Variants in GALNTL6 observed in about 807,000 individuals in gnomAD.
The protein encoded by GALNTL6 is polypeptide N-acetylgalactosaminyltransferase-like 6.
In GALNTL6, 46 loss-of-function variants were observed where a neutral mutation model predicts 73.7. That is an observed-to-expected ratio of 0.62 (90% confidence interval 0.49 to 0.80). The LOEUF is 0.80. Ranked by LOEUF, GALNTL6 falls within the 30% of genes least tolerant of loss-of-function variation. The probability of loss-of-function intolerance (pLI) is 0.00; values close to 1 mark genes in which losing one functional copy is unlikely to be tolerated. For synonymous variants in GALNTL6, 259 were observed against 263.7 expected (o/e 0.98, Z 0.17); for missense variants, 604 against 755.0 (o/e 0.80, Z 2.34).
At chr4:172,192,795 A>G (rs894858927) in intron 2 of GALNTL6, among the ~76,000 whole-genome samples, 1 of 152,198 alleles carries the variant, frequency 6.6e-6, no homozygotes, top group Non-Finnish European at 1.5e-5. Flanking sequence ...ACACTGCTTA[A>G]GATGAACAAG....
chr4:172,922,015 G>C (rs915971876), intron 8 of GALNTL6, among the ~76,000 whole-genome samples: 1 of 152,268 alleles, frequency 6.6e-6, no homozygotes, highest in Admixed American at 6.5e-5. Context: ...TGTTGTGGGA[G>C]GGACCCAGGG....
chr4:172,339,262 CACA>C (rs1226517250), intron 4 of GALNTL6, among the ~76,000 whole-genome samples: 1 of 22,954 alleles, frequency 4.4e-5, no homozygotes, highest in Non-Finnish European at 1.3e-4. Flanking sequence ...ACACACCACA[CACA>C]CACACACACA....
rs138642551 is a variant in GALNTL6 at position 172,784,380 on chromosome 4, C to G, written c.554-24981C>G. ...GATATGCGCAGAAGCAGTATTAAAA[C>G]TTTTTCTTCCAAACCACACATGCCA... On this transcript the variant is annotated intron_variant, in intron 5 of 12. Coordinates refer to ENST00000506823, the MANE Select transcript of GALNTL6 (RefSeq NM_001034845.3). Among the ~76,000 whole-genome samples, 267 of 152,202 alleles carry G rather than the reference C, an allele frequency of 1.8e-3. 2 individuals carry two copies. The highest frequency in any genetic ancestry group is 6.1e-3 in the African/African-American group (254 of 41,558).
chr4:172,425,480 A>G (rs936164505), intron 5 of GALNTL6, among the ~76,000 whole-genome samples: 2 of 152,100 alleles, frequency 1.3e-5, no homozygotes, highest in South Asian at 2.1e-4. Context: ...ATGAGTTAAT[A>G]TCTTACCAAA....
intron 2 of GALNTL6, among the ~76,000 whole-genome samples, chr4:172,175,885 T>C (rs1369867821): frequency 6.6e-6 from 1 of 152,174 alleles, no homozygotes; most frequent in African/African-American, 2.4e-5. Flanking sequence ...ACATACACTT[T>C]AGGATTAAAA....
chr4:172,861,079 C>G (rs1210797450), intron 7 of GALNTL6, among the ~76,000 whole-genome samples: 2 of 152,084 alleles, frequency 1.3e-5, no homozygotes, highest in Non-Finnish European at 2.9e-5. Flanking sequence ...ATGCTATTTT[C>G]TTTTGTCTTG....
rs1156966758 is a variant in GALNTL6, at chr4:172,788,609, T to C, written c.554-20752T>C. On this transcript the variant is annotated intron_variant, in intron 5 of 12. Coordinates refer to ENST00000506823, the MANE Select transcript of GALNTL6 (RefSeq NM_001034845.3). Reference sequence around the variant, plus strand: ...ATGCCGTGAAACCGGGAGGCGGAGCTTGCAGTGGGCCGATATCGCACCACT... The same window carrying C: ...ATGCCGTGAAACCGGGAGGCGGAGCCTGCAGTGGGCCGATATCGCACCACT... Among the ~76,000 whole-genome samples the C allele has an allele frequency of 2.0e-5, 3 of 149,908 alleles. No homozygotes were observed. In the Admixed American group the frequency reaches 2.0e-4, roughly 10 times the overall value.
rs142183764 is a variant in GALNTL6 at position 172,162,045 on chromosome 4, G to A, written c.139-67611G>A. On this transcript the variant is annotated intron_variant, in intron 2 of 12. Coordinates refer to ENST00000506823, the MANE Select transcript of GALNTL6 (RefSeq NM_001034845.3). ...TAGGGATAAGAGCATCAACGAAGTC[G>A]TACAATGTAACAAGAAGATATACCA... Among the ~76,000 whole-genome samples the A allele has an allele frequency of 4.1e-3, 629 of 152,078 alleles. 8 individuals carry two copies. The highest frequency in any genetic ancestry group is 0.03 in the Admixed American group (462 of 15,252).
chr4:172,034,176 A>G (rs1741855487), intron 2 of GALNTL6, among the ~76,000 whole-genome samples: 1 of 152,082 alleles, frequency 6.6e-6, no homozygotes, highest in Non-Finnish European at 1.5e-5. Flanking sequence ...TTAATACGAC[A>G]CGTAAAATGC....
At chr4:172,125,519 T>C (rs1169208057) in intron 2 of GALNTL6, among the ~76,000 whole-genome samples, 3 of 152,216 alleles carry the variant, frequency 2.0e-5, no homozygotes, top group African/African-American at 4.8e-5. Context: ...GCTCAGTCTT[T>C]AGAAAGACAC....
intron 5 of GALNTL6, among the ~76,000 whole-genome samples, chr4:172,391,677 TGGTGACATTG>T (rs150880186): frequency 0.13 from 19,728 of 152,054 alleles, 1,274 homozygotes; most frequent in East Asian, 0.17. Context: ...AAGAAGCTTC[TGGTGACATTG>T]GGTGACATTG....
intron 2 of GALNTL6, among the ~76,000 whole-genome samples, chr4:172,035,611 T>C (rs563364425): frequency 1.3e-5 from 2 of 152,234 alleles, no homozygotes; most frequent in African/African-American, 2.4e-5. Context: ...AGTAATACAG[T>C]TGATTGAAAA....
At chr4:172,839,539 T>G (rs923268532) in intron 7 of GALNTL6, among the ~76,000 whole-genome samples, 1 of 152,212 alleles carries the variant, frequency 6.6e-6, no homozygotes, top group Non-Finnish European at 1.5e-5. Context: ...GTGTGTAATA[T>G]CTGAAGTATT....
At chr4:172,803,597 A>G (rs568841448) in intron 5 of GALNTL6, among the ~76,000 whole-genome samples, 7 of 152,228 alleles carry the variant, frequency 4.6e-5, no homozygotes, top group Admixed American at 2.0e-4. Flanking sequence ...TCCTATCAGG[A>G]AACACATAAT....
chr4:172,592,670 G>A (rs5006969), intron 5 of GALNTL6, among the ~76,000 whole-genome samples: 6,061 of 142,022 alleles, frequency 0.043, 162 homozygotes, highest in African/African-American at 0.068. Flanking sequence ...CTGTCTGTCT[G>A]TCTATCTATC....
intron 5 of GALNTL6, among the ~76,000 whole-genome samples, chr4:172,563,018 G>A (rs62329997): frequency 0.44 from 66,412 of 151,936 alleles, 16,759 homozygotes; most frequent in East Asian, 0.67. Context: ...GGTTAATATC[G>A]TTGTGGGTTG....
rs1736708846 is a variant in GALNTL6, at chr4:172,740,020, G to A, written c.554-69341G>A. Among the ~76,000 whole-genome samples the A allele has an allele frequency of 1.3e-5, 2 of 151,468 alleles. 1 individual carries two copies. The highest frequency in any genetic ancestry group is 2.9e-5 in the Non-Finnish European group (2 of 67,932). ...TATCTTACTGATAATAAAAGCCAAA[G>A]CCTTTGTAGGGACTTCAAAACCCTC... On this transcript the variant is annotated intron_variant, in intron 5 of 12. Transcript: ENST00000506823.
chr4:172,414,198 A>G (rs1377220838), intron 5 of GALNTL6, among the ~76,000 whole-genome samples: 1 of 152,168 alleles, frequency 6.6e-6, no homozygotes, highest in Non-Finnish European at 1.5e-5. Context: ...GTGGCTTATC[A>G]TTGATTAGCT....
intron 5 of GALNTL6, among the ~76,000 whole-genome samples, chr4:172,707,715 TAC>T (rs1734441757): frequency 1.3e-5 from 2 of 152,086 alleles, no homozygotes; most frequent in Admixed American, 1.3e-4. Context: ...CAACTCCAAA[TAC>T]AGCAATGACA....
Sources: gnomAD v4.1 joint callset for allele counts (sites outside exome capture counted in the v4.1 genomes callset) on GRCh38, gnomAD v4.1.1 for gene constraint, MANE v1.5 for transcripts, NCBI Gene and HGNC (gene_info 2026-07-23, HGNC 2026-07-21) for gene names.